Variants in ARMC8 observed in about 807,000 individuals in gnomAD.
ARMC8 encodes the protein armadillo repeat-containing protein 8.
In ARMC8, 20 loss-of-function variants were observed where a neutral mutation model predicts 99.3. That is an observed-to-expected ratio of 0.20 (90% CI 0.14 to 0.29). The LOEUF is 0.29. Among genes scored for constraint, ARMC8 ranks in the 10% least tolerant of loss-of-function variants. The probability of loss-of-function intolerance (pLI) is 1.00; values close to 1 mark genes in which losing one functional copy is unlikely to be tolerated. For synonymous variants in ARMC8, 263 were observed against 278.3 expected, an observed-to-expected ratio of 0.95 and a Z score of 0.55; for missense variants, 569 against 809.5, an observed-to-expected ratio of 0.70 and a Z score of 3.60.
intron 20 of ARMC8, 43 bp downstream of exon 20, chr3:138,289,163 G>A (rs749731803): frequency 5.3e-6 from 8 of 1,506,486 alleles, no homozygotes; most frequent in African/African-American, 1.4e-5. Flanking sequence ...ATTATGGGAA[G>A]AGTGTCTTGC....
chr3:138,207,483 A>G (rs962085006), intron 1 of ARMC8, among the ~76,000 whole-genome samples: 6 of 152,338 alleles, frequency 3.9e-5, no homozygotes, highest in Middle Eastern at 3.4e-3. Flanking sequence ...GTTAAGATAC[A>G]CATCATTGAG....
At chr3:138,258,396 A>G (rs569276014) in intron 12 of ARMC8, among the ~76,000 whole-genome samples, 3 of 152,334 alleles carry the variant, frequency 2.0e-5, no homozygotes, top group Admixed American at 6.5e-5. Flanking sequence ...TCATGTGCTC[A>G]GAGGAAAAGA....
intron 1 of ARMC8, among the ~76,000 whole-genome samples, chr3:138,189,634 G>A (rs911518116): frequency 6.6e-6 from 1 of 152,170 alleles, no homozygotes; most frequent in East Asian, 1.9e-4. Flanking sequence ...TCTGGGTGAC[G>A]CTATAATTTG....
chr3:138,194,761 C>G (rs1443483152), intron 1 of ARMC8, among the ~76,000 whole-genome samples: 4 of 151,836 alleles, frequency 2.6e-5, no homozygotes, highest in African/African-American at 4.8e-5. Flanking sequence ...TTGCCTATAG[C>G]TACTTAATGA....
intron 10 of ARMC8, among the ~76,000 whole-genome samples, chr3:138,240,503 C>T (rs981882742): frequency 6.6e-6 from 1 of 152,092 alleles, no homozygotes; most frequent in Non-Finnish European, 1.5e-5. Context: ...GTAGTATATT[C>T]TTCACATAGT....
chr3:138,243,378 C>T lies in ARMC8; in HGVS notation c.1038+1395C>T, dbSNP rs73867049. On this transcript the variant is annotated intron_variant, in intron 11 of 21. Transcript: ENST00000469044. Reference sequence around the variant, plus strand: ...ATGGATTATCCAAAGGTTTCTGACCCGAAAAGTATAGACACTAGACCCGTA... The same window carrying T: ...ATGGATTATCCAAAGGTTTCTGACCTGAAAAGTATAGACACTAGACCCGTA... Among the ~76,000 whole-genome samples the T allele has an allele frequency of 9.4e-3, 1,434 of 152,048 alleles. 20 individuals carry two copies. The highest frequency in any genetic ancestry group is 0.032 in the African/African-American group (1,326 of 41,456).
intron 1 of ARMC8, among the ~76,000 whole-genome samples, chr3:138,202,489 T>C (rs993793838): frequency 4.6e-5 from 7 of 152,128 alleles, no homozygotes; most frequent in African/African-American, 1.7e-4. Flanking sequence ...TCAAAGCAAA[T>C]TACCCTCTTT....
intron 17 of ARMC8, among the ~76,000 whole-genome samples, chr3:138,274,233 ATGTGTGTGTGTG>A (rs142329302): frequency 7.0e-6 from 1 of 142,268 alleles, no homozygotes; most frequent in Admixed American, 6.9e-5. Context: ...GTGTATATAC[ATGTGTGTGTGTG>A]TGTGTGTGTG....
At chr3:138,201,752 C>A (rs1011942981) in intron 1 of ARMC8, among the ~76,000 whole-genome samples, 1 of 152,158 alleles carries the variant, frequency 6.6e-6, no homozygotes, top group African/African-American at 2.4e-5. Context: ...GGCCACTGCG[C>A]CCGACCTTAC....
At chr3:138,229,056 G>A (rs1559957010) in intron 6 of ARMC8, 46 bp downstream of exon 6, 1 of 1,400,228 alleles carries the variant, frequency 7.1e-7, no homozygotes, top group Non-Finnish European at 9.8e-7. Context: ...ATCTTATTAT[G>A]CCTTTAAGAG....
At position 138,270,060 on chromosome 3, in the gene ARMC8, C is replaced by T. The variant is rs776532585; in HGVS notation, c.1407C>T (p.Ala469=). The T allele has an allele frequency of 1.5e-5, 24 of 1,612,974 alleles. No homozygotes were observed. The highest frequency in any genetic ancestry group is 5.1e-6 in the Non-Finnish European group (6 of 1,179,528). Reference sequence around the variant, plus strand: ...GGCAGCCAATTTTGGAATCAGGAGCCGTAGAGCTACTTTGTGGATTAACTC... The same window carrying T: ...GGCAGCCAATTTTGGAATCAGGAGCTGTAGAGCTACTTTGTGGATTAACTC... ...PSKEPILESG[A]VELLCGLTQS... The change falls in exon 16 of 22, where the codon GCC becomes GCT. Residue 469 remains alanine (A), a synonymous_variant. Transcript: ENST00000469044.
intron 2 of ARMC8, among the ~76,000 whole-genome samples, chr3:138,213,978 A>G (rs1241690285): frequency 2.6e-5 from 4 of 151,998 alleles, no homozygotes; most frequent in Non-Finnish European, 4.4e-5. Context: ...CAACATGGTG[A>G]AACCCATCTC....
chr3:138,192,467 C>T (rs1373514736), intron 1 of ARMC8, among the ~76,000 whole-genome samples: 7 of 151,664 alleles, frequency 4.6e-5, no homozygotes, highest in Non-Finnish European at 7.4e-5. Flanking sequence ...TTAGTAGAGA[C>T]GGAGTTTCAC....
intron 11 of ARMC8, among the ~76,000 whole-genome samples, chr3:138,244,461 G>A (rs1271043514): frequency 6.6e-6 from 1 of 151,996 alleles, no homozygotes; most frequent in African/African-American, 2.4e-5. Flanking sequence ...TGTATTTTTA[G>A]TAGAGACAGG....
rs370489172 is a variant in ARMC8 at position 138,294,550 on chromosome 3, C to T, written c.1989-1309C>T. Among the ~76,000 whole-genome samples, 8 of 152,296 alleles carry T rather than the reference C, an allele frequency of 5.3e-5. No individual in the cohort carries two copies. The East Asian group carries it at 7.7e-4, about 15-fold the overall frequency. Reference sequence around the variant, plus strand: ...AGAGTCTTATATAATTGCAAGAATACACCTTAGTATACCACTTAAAAAACT... The same window carrying T: ...AGAGTCTTATATAATTGCAAGAATATACCTTAGTATACCACTTAAAAAACT... On this transcript the variant is annotated intron_variant, in intron 21 of 21. Coordinates refer to ENST00000469044, the MANE Select transcript of ARMC8 (RefSeq NM_001363941.2).
At chr3:138,191,461 G>C (rs933845746) in intron 1 of ARMC8, among the ~76,000 whole-genome samples, 1 of 152,120 alleles carries the variant, frequency 6.6e-6, no homozygotes, top group African/African-American at 2.4e-5. Flanking sequence ...TTCCCTCATA[G>C]GTTACATCTT....
chr3:138,197,509 A>G (rs765161533), intron 1 of ARMC8, among the ~76,000 whole-genome samples: 4 of 152,204 alleles, frequency 2.6e-5, no homozygotes, highest in Non-Finnish European at 5.9e-5. Context: ...CACCTCACCC[A>G]TATCTGAATA....
chr3:138,223,733 A>G lies in ARMC8; in HGVS notation c.435A>G (p.Thr145=). The part of the protein sequence containing the change: ...SPVTPEELLY[T]DATVIPHLMA... ...TCACTCCAGAGGAGCTACTGTATACAGTGAGTTTTAGATGTATTTGAGACA... is the reference window on the plus strand; with the variant it reads ...TCACTCCAGAGGAGCTACTGTATACGGTGAGTTTTAGATGTATTTGAGACA... Residue 145 remains threonine (T), a splice_region_variant and synonymous_variant, in exon 5 of 22, where the codon ACA becomes ACG. Transcript: ENST00000469044. 6.2e-7 allele frequency: 1 copy of G among 1,611,806 alleles called. No individual in the cohort carries two copies. Among genetic ancestry groups the G allele is most frequent in the South Asian group, 1.1e-5 (1 of 91,046 alleles).
chr3:138,205,130 G>A (rs575994160), intron 1 of ARMC8, among the ~76,000 whole-genome samples: 2 of 133,778 alleles, frequency 1.5e-5, no homozygotes, highest in African/African-American at 2.9e-5. Context: ...GTGCAGTGAC[G>A]TGATCTTAGC....
Sources: gnomAD v4.1 joint callset for allele counts (sites outside exome capture counted in the v4.1 genomes callset) on GRCh38, gnomAD v4.1.1 for gene constraint, MANE v1.5 for transcripts, NCBI Gene and HGNC (gene_info 2026-07-23, HGNC 2026-07-21) for gene names.